CNTNAP4: variants seen among roughly 807,000 people sequenced by gnomAD.
CNTNAP4 encodes contactin associated protein family member 4, also known as contactin-associated protein-like 4.
A neutral mutation model predicts 148.4 loss-of-function variants in CNTNAP4; 98 were observed. The observed-to-expected ratio is 0.66, with a 90% CI of 0.56 to 0.78. CNTNAP4 has a LOEUF of 0.78. Ranked by LOEUF, CNTNAP4 falls within the 30% of genes least tolerant of loss-of-function variation. The pLI is 0.00. For synonymous variants in CNTNAP4, 730 were observed against 565.1 expected (o/e 1.29, Z -4.14); for missense variants, 1,935 against 1,565.6 (o/e 1.24, Z -3.98).
Position 76,316,532 on chromosome 16 carries a change from G to T in CNTNAP4, c.196+9G>T. 6.4e-7 allele frequency: 1 copy of T among 1,571,598 alleles called. No homozygotes were observed. The stretch of plus-strand genomic sequence containing the variant: ...GCTGAATAGAAGAGATGGTAAGTCT[G>T]CTTTTCTCCTCTGACTGGCCCATAG... On this transcript the variant is annotated intron_variant, in intron 2 of 23. Coordinates refer to ENST00000611870, the MANE Select transcript of CNTNAP4 (RefSeq NM_033401.5).
In CNTNAP4 at chr16:76,556,729, CATTA is replaced by C. The variant is rs545528957; in HGVS notation, c.3734-1754_3734-1751del. Among the ~76,000 whole-genome samples the C allele has an allele frequency of 4.0e-3, 614 of 152,234 alleles. 4 individuals are homozygous for C. Among genetic ancestry groups the C allele is most frequent in the African/African-American group, 0.014 (586 of 41,556 alleles). ...AACAAATATTCTGATTAAAGTTATT[CATTA>C]ATTAATATGACTAATAACAAAAGCA... On this transcript the variant is annotated intron_variant, in intron 23 of 23. Coordinates refer to ENST00000611870, the MANE Select transcript of CNTNAP4 (RefSeq NM_033401.5).
intron 11 of CNTNAP4, among the ~76,000 whole-genome samples, chr16:76,476,542 A>T (rs1276196231): frequency 1.3e-5 from 2 of 152,226 alleles, no homozygotes; most frequent in African/African-American, 2.4e-5. Flanking sequence ...ATAATGCCAT[A>T]GCCTAGGTGA....
At chr16:76,521,658 A>G (rs902471761) in intron 16 of CNTNAP4, among the ~76,000 whole-genome samples, 7 of 152,230 alleles carry the variant, frequency 4.6e-5, no homozygotes, top group Admixed American at 3.3e-4. Flanking sequence ...TCAAATGTGT[A>G]TAGCATGCCT....
intron 3 of CNTNAP4, among the ~76,000 whole-genome samples, chr16:76,364,311 T>A (rs1232966172): frequency 1.3e-4 from 18 of 143,972 alleles, no homozygotes; most frequent in African/African-American, 4.7e-4. Flanking sequence ...CACATAGCAA[T>A]GTGAGATAAA....
At chr16:76,326,047 A>T (rs908761437) in intron 2 of CNTNAP4, among the ~76,000 whole-genome samples, 1 of 152,226 alleles carries the variant, frequency 6.6e-6, no homozygotes, top group Non-Finnish European at 1.5e-5. Flanking sequence ...AACATATTTA[A>T]GGAAGATATG....
intron 21 of CNTNAP4, among the ~76,000 whole-genome samples, chr16:76,545,927 C>G (rs2084704557): frequency 6.6e-6 from 1 of 151,890 alleles, no homozygotes; most frequent in Non-Finnish European, 1.5e-5. Flanking sequence ...CTCAGCTACT[C>G]AGGAGGCTGA....
At chr16:76,553,528 G>C in intron 22 of CNTNAP4, 27 bp downstream of exon 22, 1 of 1,500,826 alleles carries the variant, frequency 6.7e-7, no homozygotes, top group Admixed American at 1.8e-5. Flanking sequence ...CCTCTACTCA[G>C]TCACAGACGT....
At chr16:76,383,644 C>G (rs1427322299) in intron 3 of CNTNAP4, among the ~76,000 whole-genome samples, 3 of 152,164 alleles carry the variant, frequency 2.0e-5, no homozygotes, top group Non-Finnish European at 4.4e-5. Flanking sequence ...AAGCAGTCCA[C>G]ACAGGATGCT....
At chr16:76,320,698 T>C (rs1430435552) in intron 2 of CNTNAP4, among the ~76,000 whole-genome samples, 2 of 152,154 alleles carry the variant, frequency 1.3e-5, no homozygotes, top group African/African-American at 4.8e-5. Context: ...GGTTCTAGTG[T>C]CCCATTTGGT....
At chr16:76,339,049 C>A (rs1394526176) in intron 2 of CNTNAP4, among the ~76,000 whole-genome samples, 1 of 152,116 alleles carries the variant, frequency 6.6e-6, no homozygotes, top group Non-Finnish European at 1.5e-5. Context: ...TATTAATAAG[C>A]CCTTCGACAC....
chr16:76,433,121 A>C (rs1456219790), intron 4 of CNTNAP4, among the ~76,000 whole-genome samples: 1 of 152,114 alleles, frequency 6.6e-6, no homozygotes, highest in Non-Finnish European at 1.5e-5. Flanking sequence ...CCCACGTTAT[A>C]CTGGGTTGCA....
At chr16:76,557,312 A>G (rs932385117) in intron 23 of CNTNAP4, 2 of 152,320 alleles carry the variant, frequency 1.3e-5, no homozygotes, top group Middle Eastern at 3.4e-3. Context: ...CCCAAGTCTG[A>G]ACAACCATAG....
At chr16:76,554,241 A>C (rs1000457955) in intron 23 of CNTNAP4, among the ~76,000 whole-genome samples, 5 of 152,168 alleles carry the variant, frequency 3.3e-5, no homozygotes, top group Admixed American at 3.3e-4. Context: ...TATTTGAGTA[A>C]ATTTCGTTTT....
intron 3 of CNTNAP4, among the ~76,000 whole-genome samples, chr16:76,370,563 A>C (rs1391416139): frequency 6.6e-6 from 1 of 152,186 alleles, no homozygotes; most frequent in East Asian, 1.9e-4. Context: ...AAGCTCCTTA[A>C]TACAGGAGCC....
chr16:76,447,632 T>C (rs2080298362), intron 4 of CNTNAP4, among the ~76,000 whole-genome samples: 1 of 152,156 alleles, frequency 6.6e-6, no homozygotes, highest in Non-Finnish European at 1.5e-5. Context: ...CAAGTACCTA[T>C]CCAGCCATGC....
rs568270544 is a variant in CNTNAP4, at chr16:76,406,081, G to T, written c.391-21371G>T. Among the ~76,000 whole-genome samples, 5 of 152,180 alleles carry T rather than the reference G, an allele frequency of 3.3e-5. No individual in the cohort carries two copies. The South Asian group carries it at 1.0e-3, about 32-fold the overall frequency. ...AAATACAAAGAAAAAAAAATTAGGC[G>T]GGTGTGGTGGCTTACGCCTGTAGTC... On this transcript the variant is annotated intron_variant, in intron 3 of 23. Transcript: ENST00000611870.
intron 1 of CNTNAP4, among the ~76,000 whole-genome samples, chr16:76,311,189 G>A (rs1372659681): frequency 6.6e-6 from 1 of 151,966 alleles, no homozygotes; most frequent in East Asian, 1.9e-4. Flanking sequence ...TGAGAATTAT[G>A]CATTAAAGCC....
intron 3 of CNTNAP4, among the ~76,000 whole-genome samples, chr16:76,409,455 G>A (rs2078714964): frequency 6.6e-6 from 1 of 151,858 alleles, no homozygotes; most frequent in Non-Finnish European, 1.5e-5. Flanking sequence ...TGAAAATGTT[G>A]ATCAACCAAT....
intron 2 of CNTNAP4, among the ~76,000 whole-genome samples, chr16:76,341,645 C>A (rs1310601451): frequency 6.6e-6 from 1 of 152,076 alleles, no homozygotes; most frequent in Non-Finnish European, 1.5e-5. Flanking sequence ...TATAGGGCAT[C>A]CATGAATAGA....
Sources: allele counts gnomAD v4.1 joint callset (sites outside exome capture counted in the v4.1 genomes callset), GRCh38; gene constraint gnomAD v4.1.1; transcripts MANE v1.5; gene names NCBI Gene and HGNC (gene_info 2026-07-23, HGNC 2026-07-21).